The following ATP10B variants were observed in gnomAD, a reference collection of about 807,000 sequenced individuals.
ATP10B encodes phospholipid-transporting ATPase VB.
A neutral mutation model predicts 141.2 loss-of-function variants in ATP10B; 122 were observed. The observed-to-expected ratio is 0.86, with a 90% confidence interval of 0.75 to 1.00. The LOEUF (loss-of-function observed/expected upper bound fraction) is 1.00, where lower values mean the gene tolerates loss of function less well. Among genes scored for constraint, ATP10B ranks in the 50% least tolerant of loss-of-function variants. The pLI is 0.00. For missense variants in ATP10B, 1,876 were observed against 1,825.3 expected, an observed-to-expected ratio of 1.03 and a Z score of -0.51; for synonymous variants, 685 against 692.0, an observed-to-expected ratio of 0.99 and a Z score of 0.16.
chr5:160,563,287 A>C lies in ATP10B; in HGVS notation c.*2166T>G, dbSNP rs1050712292. 6.6e-5 allele frequency: 10 copies of C among 152,168 alleles called. No individual in the cohort carries two copies. The highest frequency in any genetic ancestry group is 2.2e-4 in the African/African-American group (9 of 41,438). 9.4% of individuals were successfully genotyped at this position (152,168 alleles called of 1,614,324 possible). On this transcript the variant is annotated 3_prime_UTR_variant, in exon 26 of 26. Coordinates refer to ENST00000327245, the MANE Select transcript of ATP10B (RefSeq NM_025153.3). ...CTGTAAGATGGCACATTGGATGGTC[A>C]CAGTTGGCTTGATTTACAGAGGGGC...
the ATP10B span, among the ~76,000 whole-genome samples, chr5:160,904,691 G>A: frequency 6.6e-6 from 1 of 152,188 alleles, no homozygotes; most frequent in Non-Finnish European, 1.5e-5. Context: ...ATGTTCTGAA[G>A]AGCAGTTGGC....
At chr5:160,746,462 G>C (rs1354615435) in intron 2 of ATP10B, among the ~76,000 whole-genome samples, 1 of 151,560 alleles carries the variant, frequency 6.6e-6, no homozygotes, top group Non-Finnish European at 1.5e-5. Context: ...TGTGATCTTG[G>C]CTCACTGCAA....
Position 160,714,812 on chromosome 5 carries a change from G to T in ATP10B, c.-205+2097C>A, listed in dbSNP as rs369018835. On this transcript the variant is annotated intron_variant, in intron 3 of 25. Transcript: ENST00000327245. The stretch of plus-strand genomic sequence containing the variant: ...GTTTTCGGTGTAGATGTCCTTTCCG[G>T]TTGTTAGTTTTCCTTCTAACAGACA... Among the ~76,000 whole-genome samples, 22 of 147,036 alleles carry T rather than the reference G, an allele frequency of 1.5e-4. 3 individuals carry two copies. The highest frequency in any genetic ancestry group is 6.7e-4 in the Admixed American group (10 of 14,882).
chr5:160,694,135 C>T (rs1254981580), intron 3 of ATP10B, among the ~76,000 whole-genome samples: 5 of 152,260 alleles, frequency 3.3e-5, no homozygotes, highest in East Asian at 1.9e-4. Context: ...CTGGAGGGAC[C>T]GAAACTGGGG....
intron 2 of ATP10B, among the ~76,000 whole-genome samples, chr5:160,776,012 T>A (rs936793832): frequency 2.0e-5 from 3 of 152,178 alleles, no homozygotes; most frequent in African/African-American, 7.2e-5. Flanking sequence ...AGAGATTAAA[T>A]GAGCACCCAC....
the ATP10B span, among the ~76,000 whole-genome samples, chr5:160,904,978 C>T: frequency 3.9e-4 from 60 of 152,302 alleles, no homozygotes; most frequent in African/African-American, 1.4e-3. Flanking sequence ...GGAGGAGATT[C>T]TTTAAGGCTA....
rs754661654 is a variant in ATP10B, at chr5:160,632,353, T to A, written c.1396A>T (p.Thr466Ser). ...CCATCTGAGTCCAGCTCCTTTGGGG[T>A]CTCCAGTCGCTTAGCTGCAAGAAAG... Reference protein sequence around the residue: ...SHQENAKRLETPKELDSDGEE... With the variant: ...SHQENAKRLESPKELDSDGEE... Residue 466 changes from threonine (T) to serine (S), a missense_variant, in exon 13 of 26, where the codon ACC becomes TCC. Physicochemically the swap from Thr to Ser is moderately conservative, Grantham distance 58. Coordinates refer to ENST00000327245, the MANE Select transcript of ATP10B (RefSeq NM_025153.3). The A allele has an allele frequency of 6.2e-7, 1 of 1,613,916 alleles. No homozygotes were observed. Among genetic ancestry groups the A allele is most frequent in the Non-Finnish European group, 8.5e-7 (1 of 1,179,882 alleles).
At chr5:160,755,096 A>T (rs1325203380) in intron 2 of ATP10B, among the ~76,000 whole-genome samples, 2 of 152,228 alleles carry the variant, frequency 1.3e-5, no homozygotes, top group East Asian at 1.9e-4. Context: ...ATTGACTCAC[A>T]GTTCTGCAGG....
At chr5:160,849,483 C>T (rs1296949258) in intron 1 of ATP10B, among the ~76,000 whole-genome samples, 1 of 152,110 alleles carries the variant, frequency 6.6e-6, no homozygotes, top group African/African-American at 2.4e-5. Context: ...CTTCTTTTCT[C>T]CAGACGTTTA....
intron 8 of ATP10B, among the ~76,000 whole-genome samples, chr5:160,646,163 A>T (rs1161824368): frequency 6.6e-6 from 1 of 152,176 alleles, no homozygotes; most frequent in Non-Finnish European, 1.5e-5. Flanking sequence ...AGACCAGGGA[A>T]TCTAGGTCAC....
At chr5:160,826,187 C>A (rs960770976) in intron 1 of ATP10B, among the ~76,000 whole-genome samples, 2 of 151,838 alleles carry the variant, frequency 1.3e-5, no homozygotes, top group African/African-American at 2.4e-5. Flanking sequence ...TAATGGTATT[C>A]CTGAGTTGAA....
At chr5:160,734,725 G>A (rs757452464) in intron 2 of ATP10B, among the ~76,000 whole-genome samples, 38 of 151,940 alleles carry the variant, frequency 2.5e-4, no homozygotes, top group Middle Eastern at 3.4e-3. Context: ...TGAAACAGAA[G>A]GGTCAAGTTG....
At chr5:160,896,977 T>C in the ATP10B span, among the ~76,000 whole-genome samples, 1 of 152,196 alleles carries the variant, frequency 6.6e-6, no homozygotes, top group Non-Finnish European at 1.5e-5. Flanking sequence ...AAAATGCCTT[T>C]GATAAAATTC....
the ATP10B span, among the ~76,000 whole-genome samples, chr5:160,925,541 T>C: frequency 2.0e-5 from 3 of 152,224 alleles, no homozygotes; most frequent in African/African-American, 4.8e-5. Flanking sequence ...AAATTGCCTC[T>C]TGCATATAAG....
chr5:160,887,994 C>A, the ATP10B span, among the ~76,000 whole-genome samples: 1 of 152,232 alleles, frequency 6.6e-6, no homozygotes, highest in African/African-American at 2.4e-5. Context: ...GCATCTAGAG[C>A]AACACGTGCA....
chr5:160,753,973 A>G (rs1768340668), intron 2 of ATP10B, among the ~76,000 whole-genome samples: 1 of 152,230 alleles, frequency 6.6e-6, no homozygotes, highest in South Asian at 2.1e-4. Context: ...AGCCTATTAA[A>G]CCCTTACAAC....
chr5:160,593,522 C>T (rs1756468778), intron 22 of ATP10B, among the ~76,000 whole-genome samples: 1 of 152,224 alleles, frequency 6.6e-6, no homozygotes, highest in African/African-American at 2.4e-5. Flanking sequence ...TCTCCTCCTC[C>T]AAAGGAACGT....
intron 12 of ATP10B, 87 bp downstream of exon 12, chr5:160,634,267 G>T: frequency 1.3e-6 from 2 of 1,591,680 alleles, no homozygotes; most frequent in Non-Finnish European, 1.7e-6. Flanking sequence ...AAGAGAGCCA[G>T]GAGAATGTCT....
chr5:160,587,877 A>T (rs1756016304), intron 24 of ATP10B, among the ~76,000 whole-genome samples: 1 of 152,202 alleles, frequency 6.6e-6, no homozygotes, highest in South Asian at 2.1e-4. Context: ...CCTGCTCCAT[A>T]GCCCAGGCTG....
Sources: gnomAD v4.1 joint callset for allele counts (sites outside exome capture counted in the v4.1 genomes callset) on GRCh38, gnomAD v4.1.1 for gene constraint, MANE v1.5 for transcripts, NCBI Gene and HGNC (gene_info 2026-07-23, HGNC 2026-07-21) for gene names.